CCSER1: variants seen among roughly 807,000 people sequenced by gnomAD.
CCSER1 encodes coiled-coil serine rich protein 1.
A neutral mutation model predicts 82.0 loss-of-function variants in CCSER1; 41 were observed. That is an observed-to-expected ratio of 0.50 (90% CI 0.39 to 0.65). The LOEUF (loss-of-function observed/expected upper bound fraction) is 0.65, where lower values mean the gene tolerates loss of function less well. Ranked by LOEUF, CCSER1 falls within the 30% of genes least tolerant of loss-of-function variation. The probability of loss-of-function intolerance (pLI) is 0.00; values close to 1 mark genes in which losing one functional copy is unlikely to be tolerated. For missense variants in CCSER1, 1,119 were observed against 1,064.2 expected (o/e 1.05, Z -0.72); for synonymous variants, 414 against 383.9 (o/e 1.08, Z -0.92).
chr4:91,178,203 C>G (rs902413465), intron 10 of CCSER1, among the ~76,000 whole-genome samples: 5 of 152,146 alleles, frequency 3.3e-5, no homozygotes, highest in Non-Finnish European at 7.3e-5. Flanking sequence ...TGTTATTTTA[C>G]ATTTGCTGAG....
intron 3 of CCSER1, among the ~76,000 whole-genome samples, chr4:90,326,953 A>G (rs1045986305): frequency 5.3e-5 from 8 of 152,176 alleles, no homozygotes; most frequent in African/African-American, 1.7e-4. Flanking sequence ...ACCATAGCCT[A>G]TATATTTTTA....
intron 10 of CCSER1, among the ~76,000 whole-genome samples, chr4:91,559,364 A>C (rs1216120688): frequency 6.6e-6 from 1 of 151,606 alleles, no homozygotes; most frequent in Non-Finnish European, 1.5e-5. Context: ...TTGGCTCCAC[A>C]CCTTCAGCTG....
At chr4:91,261,213 A>T (rs1377635719) in intron 10 of CCSER1, among the ~76,000 whole-genome samples, 1 of 152,170 alleles carries the variant, frequency 6.6e-6, no homozygotes, top group African/African-American at 2.4e-5. Context: ...CCAGTGTTCT[A>T]AATGCCTTGC....
At chr4:91,207,278 T>C (rs539576446) in intron 10 of CCSER1, among the ~76,000 whole-genome samples, 2 of 151,986 alleles carry the variant, frequency 1.3e-5, no homozygotes, top group Non-Finnish European at 2.9e-5. Context: ...ACTCGTGGAC[T>C]TGGTGTACGA....
intron 1 of CCSER1, among the ~76,000 whole-genome samples, chr4:90,166,512 C>A (rs924517178): frequency 6.6e-6 from 1 of 151,814 alleles, no homozygotes. Flanking sequence ...TTATTAAAAG[C>A]TTATAGCATT....
At chr4:91,498,241 A>G (rs549315897) in intron 10 of CCSER1, among the ~76,000 whole-genome samples, 45 of 152,126 alleles carry the variant, frequency 3.0e-4, no homozygotes, top group African/African-American at 1.1e-3. Flanking sequence ...TAGATATTTC[A>G]CTTCTCCTTT....
At chr4:90,592,289 A>G (rs1364711202) in intron 5 of CCSER1, among the ~76,000 whole-genome samples, 2 of 152,178 alleles carry the variant, frequency 1.3e-5, no homozygotes, top group Non-Finnish European at 2.9e-5. Flanking sequence ...CATTAGAATA[A>G]TTTACCATTG....
chr4:90,356,792 C>T (rs893348456), intron 3 of CCSER1, among the ~76,000 whole-genome samples: 6 of 151,694 alleles, frequency 4.0e-5, no homozygotes, highest in East Asian at 1.9e-4. Context: ...CTATTTTAGA[C>T]GGCAATTTAG....
At chr4:90,320,790 A>G (rs937745496) in intron 3 of CCSER1, among the ~76,000 whole-genome samples, 1 of 152,078 alleles carries the variant, frequency 6.6e-6, no homozygotes, top group African/African-American at 2.4e-5. Context: ...AGCTGTCACA[A>G]TTTGTATGTT....
chr4:90,460,902 A>T (rs1474000210), intron 4 of CCSER1, among the ~76,000 whole-genome samples: 4 of 152,122 alleles, frequency 2.6e-5, no homozygotes, highest in Non-Finnish European at 5.9e-5. Context: ...AACATTTCTG[A>T]ATACTCTGCA....
intron 9 of CCSER1, among the ~76,000 whole-genome samples, chr4:91,027,681 C>A (rs1581372893): frequency 6.6e-6 from 1 of 152,156 alleles, no homozygotes; most frequent in East Asian, 1.9e-4. Flanking sequence ...ACACAGCATT[C>A]TCATTTAGCC....
chr4:90,899,113 A>G (rs1724217122), intron 8 of CCSER1, among the ~76,000 whole-genome samples: 1 of 151,970 alleles, frequency 6.6e-6, no homozygotes, highest in Non-Finnish European at 1.5e-5. Context: ...GTCATTGATG[A>G]TTTCTTTCAC....
At chr4:90,968,983 TA>T (rs1359607307) in intron 9 of CCSER1, among the ~76,000 whole-genome samples, 7 of 151,408 alleles carry the variant, frequency 4.6e-5, no homozygotes, top group Non-Finnish European at 7.4e-5. Context: ...AGAAATTATT[TA>T]AAAAAACAAA....
At chr4:90,668,712 A>G (rs1732253335) in intron 6 of CCSER1, among the ~76,000 whole-genome samples, 1 of 152,106 alleles carries the variant, frequency 6.6e-6, no homozygotes, top group East Asian at 1.9e-4. Context: ...TTCAGATTTC[A>G]AGTAGTCATT....
At chr4:91,216,757 C>A (rs1737277328) in intron 10 of CCSER1, among the ~76,000 whole-genome samples, 1 of 152,138 alleles carries the variant, frequency 6.6e-6, no homozygotes, top group South Asian at 2.1e-4. Flanking sequence ...GTAACTAAAT[C>A]TTTACATGTT....
At chr4:91,537,135 T>C (rs1165270696) in intron 10 of CCSER1, among the ~76,000 whole-genome samples, 1 of 152,110 alleles carries the variant, frequency 6.6e-6, no homozygotes, top group Non-Finnish European at 1.5e-5. Flanking sequence ...AGTAAAAGGC[T>C]CGAACACATT....
intron 6 of CCSER1, among the ~76,000 whole-genome samples, chr4:90,704,796 A>G (rs1738970576): frequency 6.6e-6 from 1 of 152,190 alleles, no homozygotes; most frequent in South Asian, 2.1e-4. Context: ...TTTGTCACGT[A>G]GTTCTCATGG....
intron 4 of CCSER1, among the ~76,000 whole-genome samples, chr4:90,460,475 A>T (rs896295479): frequency 6.6e-6 from 1 of 152,108 alleles, no homozygotes; most frequent in African/African-American, 2.4e-5. Context: ...CAAAGTTACC[A>T]GAATTTGGGT....
chr4:90,568,164 C>T (rs189852411), intron 5 of CCSER1, among the ~76,000 whole-genome samples: 8 of 152,270 alleles, frequency 5.3e-5, no homozygotes, highest in Admixed American at 5.2e-4. Flanking sequence ...TATTCTTCAG[C>T]TGTTAATTAG....
Sources: gnomAD v4.1 joint callset for allele counts (sites outside exome capture counted in the v4.1 genomes callset) on GRCh38, gnomAD v4.1.1 for gene constraint, MANE v1.5 for transcripts, NCBI Gene and HGNC (gene_info 2026-07-23, HGNC 2026-07-21) for gene names.